DSCAML1: variants seen among roughly 807,000 people sequenced by gnomAD.
DSCAML1 encodes the protein DS cell adhesion molecule like 1, also known as cell adhesion molecule DSCAML1.
DSCAML1 carries 38 observed loss-of-function variants against 200.5 expected under a neutral mutation model. That is an observed-to-expected ratio of 0.19 (90% CI 0.15 to 0.25). DSCAML1 has a LOEUF of 0.25. DSCAML1 is among the 10% of genes least tolerant of loss of function. The pLI, the probability that DSCAML1 is intolerant of heterozygous loss-of-function variation, is 1.00. For synonymous variants in DSCAML1, 1,215 were observed against 1,165.0 expected (o/e 1.04, Z -0.87); for missense variants, 2,223 against 2,858.8 (o/e 0.78, Z 5.07).
At chr11:117,664,076 TG>T (rs373351024) in intron 3 of DSCAML1, among the ~76,000 whole-genome samples, 119 of 152,148 alleles carry the variant, frequency 7.8e-4, no homozygotes, top group African/African-American at 2.9e-3. Context: ...GGGCCGGGCC[TG>T]GGAAGAGAGA....
In DSCAML1 at chr11:117,519,000, G is replaced by T. The variant is rs1181185349; in HGVS notation, c.1214-238C>A. 5.3e-5 allele frequency among the ~76,000 whole-genome samples: 8 copies of T among 152,228 alleles called. No individual in the cohort carries two copies. Among genetic ancestry groups the T allele is most frequent in the Admixed American group, 5.2e-4 (8 of 15,286 alleles). On this transcript the variant is annotated intron_variant, in intron 6 of 32. Coordinates refer to ENST00000651296, the MANE Select transcript of DSCAML1 (RefSeq NM_020693.4). This position sits in a 1 kb window ranked among gnomAD's most constrained non-coding sequence, Gnocchi z 6.3. Reference sequence around the variant, plus strand: ...ATCACTTATTAGCTCTGGGTCTTTGGTCAAGTTGCTTAACCTCTCTGAGTC... The same window carrying T: ...ATCACTTATTAGCTCTGGGTCTTTGTTCAAGTTGCTTAACCTCTCTGAGTC...
At chr11:117,707,236 C>T (rs965132329) in intron 3 of DSCAML1, among the ~76,000 whole-genome samples, 10 of 152,170 alleles carry the variant, frequency 6.6e-5, no homozygotes, top group African/African-American at 2.4e-4. Context: ...CACTGCCTGC[C>T]CTGAGAATCA....
chr11:117,607,821 CA>C (rs1295042198), intron 3 of DSCAML1, among the ~76,000 whole-genome samples: 1 of 152,230 alleles, frequency 6.6e-6, no homozygotes, highest in African/African-American at 2.4e-5. Context: ...AGTTTCCCTG[CA>C]CTCAGTAGCC....
intron 3 of DSCAML1, among the ~76,000 whole-genome samples, chr11:117,575,427 T>C (rs2050914771): frequency 6.6e-6 from 1 of 152,186 alleles, no homozygotes; most frequent in African/African-American, 2.4e-5. Flanking sequence ...CTCTGATGCA[T>C]ATTAGGATCA....
chr11:117,744,983 G>C (rs534447952), intron 3 of DSCAML1, among the ~76,000 whole-genome samples: 1 of 151,628 alleles, frequency 6.6e-6, no homozygotes, highest in Non-Finnish European at 1.5e-5. Flanking sequence ...CAGGACAAGG[G>C]GCTACCTGAC....
intron 3 of DSCAML1, among the ~76,000 whole-genome samples, chr11:117,753,705 G>C (rs6589621): frequency 0.87 from 132,673 of 152,218 alleles, 58,730 homozygotes; most frequent in Non-Finnish European, 0.94. Flanking sequence ...TGGCAGCTGA[G>C]ACCTGTGACT....
At chr11:117,661,825 G>C (rs2052860190) in intron 3 of DSCAML1, among the ~76,000 whole-genome samples, 1 of 152,214 alleles carries the variant, frequency 6.6e-6, no homozygotes, top group African/African-American at 2.4e-5. Flanking sequence ...GACTAATAGA[G>C]TCATAGGGAC....
rs1377713631 is a variant in DSCAML1 at position 117,516,630 on chromosome 11, C to T, written c.1620G>A (p.Lys540=). The part of the protein sequence containing the change: ...GYPYYSIKWY[K]DALLLPDNHR... ...GGTTGTCTGGCAGCAGCAGGGCATC[C>T]TTGTACCACTTGATGGAGTAGTAGG... The change falls in exon 8 of 33, where the codon AAG becomes AAA. Residue 540 remains lysine, a synonymous_variant. Transcript: ENST00000651296. The surrounding 1 kb of genome is among the most constrained non-coding windows in gnomAD (Gnocchi z 5.7). 12 of 1,613,952 alleles carry T rather than the reference C, an allele frequency of 7.4e-6. No homozygotes were observed. The highest frequency in any genetic ancestry group is 1.0e-5 in the Non-Finnish European group (12 of 1,179,998).
At chr11:117,704,105 AGAAG>A (rs1432684518) in intron 3 of DSCAML1, among the ~76,000 whole-genome samples, 1 of 141,680 alleles carries the variant, frequency 7.1e-6, no homozygotes, top group Non-Finnish European at 1.5e-5. Context: ...TATGAGACAA[AGAAG>A]GAAGGAAGAA....
chr11:117,667,035 T>TG (rs1035349803), intron 3 of DSCAML1, among the ~76,000 whole-genome samples: 33 of 152,218 alleles, frequency 2.2e-4, no homozygotes, highest in African/African-American at 7.9e-4. Flanking sequence ...GGACAGCAGC[T>TG]GGGGGGTCCA....
chr11:117,790,346 C>T lies in DSCAML1; in HGVS notation c.46+6688G>A, dbSNP rs1267549136. ...GGGAGAAGAGGTAGGCTTCCTCCCA[C>T]TCCCACTACCACTGGGGCCTCAAGG... On this transcript the variant is annotated intron_variant, in intron 1 of 32. Transcript: ENST00000651296. Among the ~76,000 whole-genome samples the T allele has an allele frequency of 7.2e-5, 11 of 152,370 alleles. No individual in the cohort carries two copies. The East Asian group carries it at 1.9e-3, about 27-fold the overall frequency.
chr11:117,798,233 T>C (rs2055618730), upstream of DSCAML1, among the ~76,000 whole-genome samples: 1 of 152,256 alleles, frequency 6.6e-6, no homozygotes, highest in African/African-American at 2.4e-5. Flanking sequence ...CCCTGACAAT[T>C]GGGCTGTACC....
intron 4 of DSCAML1, among the ~76,000 whole-genome samples, chr11:117,527,432 T>C (rs1374814473): frequency 6.6e-6 from 1 of 152,190 alleles, no homozygotes; most frequent in Non-Finnish European, 1.5e-5. Flanking sequence ...CTCCCCAGGC[T>C]GCTGAACCAT....
chr11:117,789,375 C>T (rs1475525409), intron 1 of DSCAML1, among the ~76,000 whole-genome samples: 2 of 152,186 alleles, frequency 1.3e-5, no homozygotes, highest in Non-Finnish European at 2.9e-5. Flanking sequence ...TCAGACAGCA[C>T]AGTTGTCCCC....
At chr11:117,643,394 G>A (rs1364890348) in intron 3 of DSCAML1, among the ~76,000 whole-genome samples, 2 of 152,142 alleles carry the variant, frequency 1.3e-5, no homozygotes, top group African/African-American at 2.4e-5. Context: ...CCTGTCTTTT[G>A]TACCATCTCC....
intron 11 of DSCAML1, among the ~76,000 whole-genome samples, chr11:117,488,485 G>A (rs562756575): frequency 1.2e-4 from 19 of 152,162 alleles, no homozygotes; most frequent in African/African-American, 4.3e-4. Flanking sequence ...GAATTCCCTG[G>A]GGAGATGGTC....
chr11:117,622,902 C>T (rs1034125375), intron 3 of DSCAML1, among the ~76,000 whole-genome samples: 1 of 152,174 alleles, frequency 6.6e-6, no homozygotes, highest in Admixed American at 6.5e-5. Flanking sequence ...TTACTGAGTC[C>T]ATACTATGTA....
chr11:117,790,796 A>T (rs75472452), intron 1 of DSCAML1, among the ~76,000 whole-genome samples: 49 of 152,376 alleles, frequency 3.2e-4, no homozygotes, highest in African/African-American at 1.2e-3. Flanking sequence ...CCATTAGGCA[A>T]CTTGCCCAGG....
intron 21 of DSCAML1, 150 bp downstream of exon 21, chr11:117,443,736 T>TG (rs2048117471): frequency 3.7e-6 from 4 of 1,092,030 alleles, no homozygotes; most frequent in Non-Finnish European, 5.2e-6. Flanking sequence ...CCAGTCTTGG[T>TG]GTGTGCGGGA....
Sources: allele counts gnomAD v4.1 joint callset (sites outside exome capture counted in the v4.1 genomes callset), GRCh38; gene constraint gnomAD v4.1.1; non-coding constraint Gnocchi (gnomAD v3.1); transcripts MANE v1.5; gene names NCBI Gene and HGNC (gene_info 2026-07-23, HGNC 2026-07-21).